SPATS2: variants seen among roughly 807,000 people sequenced by gnomAD.
SPATS2 encodes spermatogenesis associated serine rich 2.
A neutral mutation model predicts 63.7 loss-of-function variants in SPATS2; 38 were observed. The observed-to-expected ratio is 0.60, with a 90% CI of 0.46 to 0.78. The LOEUF is 0.78. Among genes scored for constraint, SPATS2 ranks in the 30% least tolerant of loss-of-function variants. SPATS2 has a pLI of 0.00. For synonymous variants in SPATS2, 207 were observed against 232.9 expected (o/e 0.89, Z 1.01); for missense variants, 588 against 666.2 (o/e 0.88, Z 1.29).
At chr12:49,369,818 A>G (rs1943967762) in intron 1 of SPATS2, among the ~76,000 whole-genome samples, 1 of 152,214 alleles carries the variant, frequency 6.6e-6, no homozygotes, top group East Asian at 1.9e-4. Context: ...TGGCACTCTT[A>G]CTTGTAGAAG....
chr12:49,469,496 G>T, intron 3 of SPATS2: 2 of 400,986 alleles, frequency 5.0e-6, no homozygotes, highest in South Asian at 3.6e-5. Context: ...GGAGTTTGAG[G>T]CCACGGTGAG....
intron 2 of SPATS2, among the ~76,000 whole-genome samples, chr12:49,444,889 C>T (rs1272213792): frequency 1.3e-5 from 2 of 152,154 alleles, no homozygotes; most frequent in Non-Finnish European, 2.9e-5. Flanking sequence ...CAGGTGTCAG[C>T]CACTGCACCC....
rs1944538292 is a variant in SPATS2, at chr12:49,397,856, A to AT, written c.-244+26566_-244+26567insT. On this transcript the variant is annotated intron_variant, in intron 2 of 13. Coordinates refer to ENST00000552918, the MANE Select transcript of SPATS2 (RefSeq NM_023071.4). ...TTTAAAAAAAAAAAAAAAAAAAAAA[A>AT]AAGGATCCATTGGCCGAGCATGGTG... 9.4e-5 allele frequency among the ~76,000 whole-genome samples: 14 copies of AT among 149,470 alleles called. No individual in the cohort carries two copies. In the South Asian group the frequency reaches 2.8e-3, roughly 29 times the overall value.
At chr12:49,443,419 T>G (rs943967451) in intron 2 of SPATS2, among the ~76,000 whole-genome samples, 2 of 152,240 alleles carry the variant, frequency 1.3e-5, no homozygotes, top group African/African-American at 2.4e-5. Context: ...ATACTTTCAC[T>G]TCTATTCTAT....
intron 10 of SPATS2, among the ~76,000 whole-genome samples, chr12:49,518,112 G>A (rs574286716): frequency 6.6e-6 from 1 of 152,280 alleles, no homozygotes; most frequent in South Asian, 2.1e-4. Flanking sequence ...TAAAAGAAAG[G>A]CTAAATGCCC....
chr12:49,398,945 C>G (rs889346457), intron 2 of SPATS2, among the ~76,000 whole-genome samples: 2 of 152,142 alleles, frequency 1.3e-5, no homozygotes, highest in Non-Finnish European at 2.9e-5. Flanking sequence ...ACAATTTTGA[C>G]TTTTTCTCTC....
chr12:49,420,770 T>G (rs1944966729), intron 2 of SPATS2, among the ~76,000 whole-genome samples: 1 of 152,040 alleles, frequency 6.6e-6, no homozygotes. Context: ...TCCTAACACT[T>G]GGGAGGCCGA....
chr12:49,484,253 A>T (rs370724432), intron 3 of SPATS2, among the ~76,000 whole-genome samples: 13 of 152,194 alleles, frequency 8.5e-5, no homozygotes, highest in East Asian at 3.8e-4. Flanking sequence ...CTTTAGTGTT[A>T]AATTTTACCA....
chr12:49,483,150 AAAAC>A (rs1224389539), intron 3 of SPATS2, among the ~76,000 whole-genome samples: 1 of 146,068 alleles, frequency 6.8e-6, no homozygotes. Context: ...AAAAAAAAAA[AAAAC>A]AGAGCTAGAT....
intron 9 of SPATS2, among the ~76,000 whole-genome samples, chr12:49,511,357 G>C (rs1239863728): frequency 6.6e-6 from 1 of 152,038 alleles, no homozygotes; most frequent in Non-Finnish European, 1.5e-5. Flanking sequence ...ATTGAAGAAA[G>C]GATATGGAAA....
chr12:49,510,651 ATT>A (rs1309126866), intron 9 of SPATS2, among the ~76,000 whole-genome samples: 7 of 151,924 alleles, frequency 4.6e-5, no homozygotes, highest in Admixed American at 2.6e-4. Context: ...GGTTTTGACT[ATT>A]ATCCCTTGAA....
chr12:49,408,567 T>C (rs1328321254), intron 2 of SPATS2, among the ~76,000 whole-genome samples: 2 of 145,538 alleles, frequency 1.4e-5, no homozygotes, highest in Non-Finnish European at 3.0e-5. Flanking sequence ...TTTTTTTTTT[T>C]TTTTTTGAGA....
intron 2 of SPATS2, among the ~76,000 whole-genome samples, chr12:49,425,580 A>G (rs952803676): frequency 2.6e-5 from 4 of 152,212 alleles, no homozygotes; most frequent in Non-Finnish European, 4.4e-5. Flanking sequence ...TTGGCCTCCC[A>G]AAGTGCTGGG....
At position 49,496,985 on chromosome 12, in the gene SPATS2, C is replaced by A; in HGVS notation, c.679C>A (p.Pro227Thr). Residue 227 changes from proline to threonine, a missense_variant, in exon 8 of 14, where the codon CCC becomes ACC. By Grantham distance (38) the Pro-to-Thr change is conservative. Transcript: ENST00000552918. ...QFSNMGMEDVPLATSKKLSSN... is the reference protein window; with the variant it reads ...QFSNMGMEDVTLATSKKLSSN... ...TTCAAATATGGGGATGGAAGATGTT[C>A]CCCTCGCCACCAGTAAAAAGCTAAG... 6.4e-7 allele frequency: 1 copy of A among 1,565,406 alleles called. No individual in the cohort carries two copies. The highest frequency in any genetic ancestry group is 8.6e-7 in the Non-Finnish European group (1 of 1,158,262).
At chr12:49,517,913 T>A (rs1946877823) in intron 10 of SPATS2, among the ~76,000 whole-genome samples, 3 of 152,212 alleles carry the variant, frequency 2.0e-5, no homozygotes, top group Admixed American at 6.5e-5. Flanking sequence ...AAAGACTGTG[T>A]TCCATCAGCT....
At chr12:49,442,275 C>T (rs1259395965) in intron 2 of SPATS2, 2 of 152,404 alleles carry the variant, frequency 1.3e-5, no homozygotes, top group Non-Finnish European at 2.9e-5. Context: ...GTCCCTCCTA[C>T]AATGTGGGAT....
chr12:49,520,195 G>T (rs554161813), intron 11 of SPATS2, among the ~76,000 whole-genome samples: 24 of 151,972 alleles, frequency 1.6e-4, no homozygotes, highest in Admixed American at 1.1e-3. Context: ...GGTCAGGCTG[G>T]TCTCAAACTC....
chr12:49,393,861 T>C (rs999067152), intron 2 of SPATS2, among the ~76,000 whole-genome samples: 5 of 152,136 alleles, frequency 3.3e-5, no homozygotes, highest in African/African-American at 1.2e-4. Context: ...TTTATTTTTA[T>C]AGAGACAGGT....
chr12:49,517,256 A>G (rs1293567129), intron 10 of SPATS2, among the ~76,000 whole-genome samples: 1 of 152,206 alleles, frequency 6.6e-6, no homozygotes, highest in Admixed American at 6.5e-5. Context: ...AAACTTTTGT[A>G]GGCATGCTCC....
Sources: allele counts gnomAD v4.1 joint callset (sites outside exome capture counted in the v4.1 genomes callset), GRCh38; gene constraint gnomAD v4.1.1; transcripts MANE v1.5; gene names NCBI Gene and HGNC (gene_info 2026-07-23, HGNC 2026-07-21).